The following THRB variants were observed in gnomAD, a reference collection of about 807,000 sequenced individuals.
THRB encodes thyroid hormone receptor beta, also known as nuclear receptor subfamily 1 group A member 2.
THRB carries 12 observed loss-of-function variants against 47.8 expected under a neutral mutation model. That is an observed-to-expected ratio of 0.25 (90% CI 0.16 to 0.41). The LOEUF (loss-of-function observed/expected upper bound fraction) is 0.41, where lower values mean the gene tolerates loss of function less well. Among genes scored for constraint, THRB ranks in the 10% least tolerant of loss-of-function variants. The pLI, the probability that THRB is intolerant of heterozygous loss-of-function variation, is 1.00. For missense variants in THRB, 348 were observed against 589.2 expected, an observed-to-expected ratio of 0.59 and a Z score of 4.24; for synonymous variants, 218 against 212.2, an observed-to-expected ratio of 1.03 and a Z score of -0.24.
intron 2 of THRB, among the ~76,000 whole-genome samples, chr3:24,307,295 G>GA (rs1303203237): frequency 6.6e-5 from 10 of 151,846 alleles, no homozygotes. Context: ...GCTCTTTGGA[G>GA]AAAAAATTTA....
At chr3:24,279,883 C>G (rs774201364) in intron 3 of THRB, among the ~76,000 whole-genome samples, 1 of 152,148 alleles carries the variant, frequency 6.6e-6, no homozygotes, top group Non-Finnish European at 1.5e-5. Context: ...GGACCATGGT[C>G]CCCAAAGGTC....
chr3:24,127,858 T>A, intron 9 of THRB, 101 bp from the exon 10 acceptor site: 1 of 1,349,686 alleles, frequency 7.4e-7, no homozygotes, highest in Non-Finnish European at 1.1e-6. Flanking sequence ...CTTCTGTGAT[T>A]AACATTTGTC....
intron 1 of THRB, among the ~76,000 whole-genome samples, chr3:24,343,388 TA>T (rs764665516): frequency 1.3e-5 from 2 of 151,792 alleles, no homozygotes; most frequent in Non-Finnish European, 2.9e-5. Flanking sequence ...GCAATGGAAA[TA>T]AAAAAGGAGA....
intron 5 of THRB, among the ~76,000 whole-genome samples, chr3:24,183,980 CCTT>C (rs1419993529): frequency 2.6e-5 from 4 of 152,126 alleles, no homozygotes; most frequent in Admixed American, 2.0e-4. Context: ...TGGAGTTAAT[CCTT>C]CTTATTCCGC....
intron 3 of THRB, among the ~76,000 whole-genome samples, chr3:24,259,919 C>T (rs749550914): frequency 1.3e-5 from 2 of 152,078 alleles, no homozygotes; most frequent in Non-Finnish European, 2.9e-5. Context: ...CCATATCATA[C>T]AATTTACCCA....
chr3:24,277,154 T>C (rs2054005022), intron 3 of THRB, among the ~76,000 whole-genome samples: 1 of 152,108 alleles, frequency 6.6e-6, no homozygotes, highest in Non-Finnish European at 1.5e-5. Context: ...TGGTTATCAA[T>C]TTTGCAATTT....
At chr3:24,394,769 G>C (rs2066828791) in intron 1 of THRB, among the ~76,000 whole-genome samples, 1 of 152,068 alleles carries the variant, frequency 6.6e-6, no homozygotes, top group Non-Finnish European at 1.5e-5. Context: ...AATAAAGGAA[G>C]AACAATTCCT....
rs148394358 is a variant in THRB at position 24,251,110 on chromosome 3, T to A, written c.-42-22109A>T. Among the ~76,000 whole-genome samples the A allele has an allele frequency of 5.6e-4, 85 of 152,218 alleles. 1 individual carries two copies. The highest frequency in any genetic ancestry group is 2.0e-3 in the African/African-American group (84 of 41,554). ...AAATTATCTCCTAAACAACTCTTTG[T>A]CAAAGAGTAAATAGAAGCCTTATTG... On this transcript the variant is annotated intron_variant, in intron 3 of 10. Transcript: ENST00000646209.
chr3:24,190,034 G>C, intron 5 of THRB, 40 bp downstream of exon 5: 1 of 1,601,802 alleles, frequency 6.2e-7, no homozygotes, highest in Non-Finnish European at 8.5e-7. Flanking sequence ...TTTTTTTCTT[G>C]TTGAAACACA....
chr3:24,329,587 G>C (rs1049140556), intron 2 of THRB, among the ~76,000 whole-genome samples: 1 of 152,200 alleles, frequency 6.6e-6, no homozygotes, highest in African/African-American at 2.4e-5. Context: ...ACTCCAGTGG[G>C]CACCATTTAC....
intron 1 of THRB, among the ~76,000 whole-genome samples, chr3:24,392,788 C>A (rs954117663): frequency 8.6e-5 from 13 of 152,036 alleles, no homozygotes; most frequent in Non-Finnish European, 1.9e-4. Context: ...ATATACCAGG[C>A]CAAATTCCTG....
At chr3:24,293,224 G>A (rs1168454233) in intron 3 of THRB, among the ~76,000 whole-genome samples, 3 of 152,146 alleles carry the variant, frequency 2.0e-5, no homozygotes, top group African/African-American at 4.8e-5. Context: ...ATGTTGAGAC[G>A]TGTTGATCAT....
intron 1 of THRB, among the ~76,000 whole-genome samples, chr3:24,488,798 T>C (rs1007348546): frequency 6.6e-6 from 1 of 152,186 alleles, no homozygotes; most frequent in Non-Finnish European, 1.5e-5. Flanking sequence ...GTCTGACAAA[T>C]AGCAAACAAC....
chr3:24,119,317 G>A lies in THRB; in HGVS notation c.*3567C>T, dbSNP rs1198566070. The A allele has an allele frequency of 6.6e-6, 1 of 152,094 alleles. No individual in the cohort carries two copies. Among genetic ancestry groups the A allele is most frequent in the Non-Finnish European group, 1.5e-5 (1 of 68,008 alleles). The allele number at this position is 152,094 out of a possible 1,614,324, so 9.4% of individuals were successfully genotyped here. A position where few individuals can be genotyped will look rare whatever the true frequency, so the allele number is the denominator to read the frequency against. The stretch of plus-strand genomic sequence containing the variant: ...TCCATTTGAGGAGGAACTGTGGCTT[G>A]GTTATTCACTTAAATTCAGTTCATG... On this transcript the variant is annotated 3_prime_UTR_variant, in exon 11 of 11. Transcript: ENST00000646209.
Position 24,168,490 on chromosome 3 carries a change from A to AATATATATATAT in THRB, c.284-16012_284-16001dup, listed in dbSNP as rs370230507. ...TCCGATTAGAAGTGTTTCAATCAAT[A>AATATATATATAT]ATATATATATATATATATATGCGCC... On this transcript the variant is annotated intron_variant, in intron 5 of 10. Transcript: ENST00000646209. Among the ~76,000 whole-genome samples, 69 of 138,018 alleles carry AATATATATATAT rather than the reference A, an allele frequency of 5.0e-4. 1 individual carries two copies. The highest frequency in any genetic ancestry group is 1.7e-3 in the South Asian group (7 of 4,234). The allele number at this position is 138,018 out of a possible 152,430, so 90.5% of individuals were successfully genotyped here. A position where few individuals can be genotyped will look rare whatever the true frequency, so the allele number is the denominator to read the frequency against.
intron 1 of THRB, among the ~76,000 whole-genome samples, chr3:24,475,568 G>A (rs1695332895): frequency 6.6e-6 from 1 of 152,086 alleles, no homozygotes; most frequent in South Asian, 2.1e-4. Flanking sequence ...TATAAAATCT[G>A]AAAGGCCATG....
intron 1 of THRB, among the ~76,000 whole-genome samples, chr3:24,401,525 C>T (rs1384642890): frequency 2.0e-5 from 3 of 152,006 alleles, no homozygotes; most frequent in Non-Finnish European, 4.4e-5. Flanking sequence ...TTATTGCTTT[C>T]TAAGGATTAC....
chr3:24,272,546 A>T (rs1200162089), intron 3 of THRB, among the ~76,000 whole-genome samples: 3 of 152,120 alleles, frequency 2.0e-5, no homozygotes, highest in Non-Finnish European at 4.4e-5. Flanking sequence ...CCCCTCACTT[A>T]AAGGATACTG....
intron 1 of THRB, among the ~76,000 whole-genome samples, chr3:24,423,884 C>T (rs2069506710): frequency 6.6e-6 from 1 of 151,810 alleles, no homozygotes; most frequent in Admixed American, 6.6e-5. Flanking sequence ...TCTGTTCCAA[C>T]CCAGCAGAAG....
Sources: gnomAD v4.1 joint callset for allele counts (sites outside exome capture counted in the v4.1 genomes callset) on GRCh38, gnomAD v4.1.1 for gene constraint, MANE v1.5 for transcripts, NCBI Gene and HGNC (gene_info 2026-07-23, HGNC 2026-07-21) for gene names.